Variants in AJUBA observed in about 807,000 individuals in gnomAD.
The protein encoded by AJUBA is ajuba LIM protein, also known as LIM domain-containing protein ajuba.
Under a neutral mutation model 53.3 loss-of-function variants are expected in AJUBA, and 20 were observed. The observed-to-expected ratio is 0.38, with a 90% confidence interval of 0.26 to 0.55. The LOEUF is 0.55. Among genes scored for constraint, AJUBA ranks in the 20% least tolerant of loss-of-function variants. The pLI is 0.80. For synonymous variants in AJUBA, 296 were observed against 306.2 expected, an observed-to-expected ratio of 0.97 and a Z score of 0.35; for missense variants, 580 against 730.5, an observed-to-expected ratio of 0.79 and a Z score of 2.38.
At chr14:22,978,104 G>A (rs1415931935) in intron 2 of AJUBA, among the ~76,000 whole-genome samples, 1 of 151,994 alleles carries the variant, frequency 6.6e-6, no homozygotes, top group Non-Finnish European at 1.5e-5. Context: ...AAACAGAGGT[G>A]AGGAAGGAAG....
chr14:22,976,541 C>G (rs376549211), intron 3 of AJUBA, 23 bp from the exon 4 acceptor site: 1 of 1,613,836 alleles, frequency 6.2e-7, no homozygotes, highest in African/African-American at 1.3e-5. Flanking sequence ...ACAAGACGAA[C>G]GGAGGCTGTT....
At position 22,982,024 on chromosome 14, in the gene AJUBA, CTCAAA is replaced by C. The variant is rs1417560549; in HGVS notation, c.238_242del (p.Phe80GlyfsTer42). 1 of 1,590,760 alleles carries C rather than the reference CTCAAA, an allele frequency of 6.3e-7. No individual in the cohort carries two copies. On this transcript the variant is annotated frameshift_variant, in exon 1 of 8. Transcript: ENST00000262713. LOFTEE classifies it high-confidence loss of function. ...GAAAAGAGCCTTCGTAGCGCGGCGCCTCAAAGGAGCCGCGCTGATTTCGCTCAGCG... is the reference window on the plus strand; with the variant it reads ...GAAAAGAGCCTTCGTAGCGCGGCGCCGGAGCCGCGCTGATTTCGCTCAGCG...
intron 1 of AJUBA, among the ~76,000 whole-genome samples, chr14:22,980,853 T>C (rs1314105909): frequency 6.6e-6 from 1 of 151,864 alleles, no homozygotes; most frequent in African/African-American, 2.4e-5. Context: ...TCCGAATTCC[T>C]GCGGGCGGAG....
At chr14:22,974,625 G>T in intron 6 of AJUBA, 1 of 568,614 alleles carries the variant, frequency 1.8e-6, no homozygotes, top group Non-Finnish European at 3.1e-6. Flanking sequence ...GGATAGAAGA[G>T]ATGGAGCCTG....
In AJUBA at chr14:22,974,098, C is replaced by T; in HGVS notation, c.1440G>A (p.Val480=). The T allele has an allele frequency of 6.2e-7, 1 of 1,614,152 alleles. No homozygotes were observed. The highest frequency in any genetic ancestry group is 8.5e-7 in the Non-Finnish European group (1 of 1,180,024). Reference sequence around the variant, plus strand: ...AATCCCGGTCCATGGATATCACCCTCACGATGTCCTCACAGCCCTGAAACA... The same window carrying T: ...AATCCCGGTCCATGGATATCACCCTTACGATGTCCTCACAGCCCTGAAACA... ...ILPSEGCEDI[V]RVISMDRDYH... The change falls in exon 7 of 8, where the codon GTG becomes GTA. Residue 480 remains valine, a synonymous_variant. Transcript: ENST00000262713.
Position 22,979,092 on chromosome 14 carries a change from C to A in AJUBA, c.1007-647G>T. The A allele has an allele frequency of 7.8e-7, 1 of 1,283,202 alleles. No homozygotes were observed. Among genetic ancestry groups the A allele is most frequent in the Non-Finnish European group, 1.0e-6 (1 of 986,138 alleles). 79.5% of individuals were successfully genotyped at this position (1,283,202 alleles called of 1,614,324 possible). On this transcript the variant is annotated intron_variant, in intron 1 of 7. Transcript: ENST00000262713. This position sits in a 1 kb window ranked among gnomAD's most constrained non-coding sequence, Gnocchi z 4.0. ...GTGTGTTCCAGGAACCAGGGTTGAA[C>A]AGGAAAGCAGGGAGAGTAGCAGAGC...
Position 22,979,175 on chromosome 14 carries a change from C to G in AJUBA, c.1007-730G>C. The G allele has an allele frequency of 1.7e-6, 2 of 1,183,144 alleles. No individual in the cohort carries two copies. The highest frequency in any genetic ancestry group is 2.1e-6 in the Non-Finnish European group (2 of 937,230). 73.3% of individuals were successfully genotyped at this position (1,183,144 alleles called of 1,614,324 possible). A position where few individuals can be genotyped will look rare whatever the true frequency, so the allele number is the denominator to read the frequency against. On this transcript the variant is annotated intron_variant, in intron 1 of 7. Transcript: ENST00000262713. The surrounding 1 kb of genome is among the most constrained non-coding windows in gnomAD (Gnocchi z 4.0). Reference sequence around the variant, plus strand: ...GAAGAATACAGAACTGAACTGCTTGCTATTCCCCAAAATCCCCCACTAAGA... The same window carrying G: ...GAAGAATACAGAACTGAACTGCTTGGTATTCCCCAAAATCCCCCACTAAGA...
Position 22,981,673 on chromosome 14 carries a change from T to G in AJUBA, c.594A>C (p.Gly198=), listed in dbSNP as rs1336314895. Residue 198 remains glycine (G), a synonymous_variant, in exon 1 of 8, where the codon GGA becomes GGC. Transcript: ENST00000262713. ...LAGAPAGYSP[G]GVPSAYPELH... ...GCTCCGGGTAGGCGGACGGGACCCC[T>G]CCGGGAGAATAGCCTGCCGGTGCTC... 8 of 1,516,178 alleles carry G rather than the reference T, an allele frequency of 5.3e-6. No homozygotes were observed. The highest frequency in any genetic ancestry group is 1.7e-4 in the Middle Eastern group (1 of 5,868). The allele number at this position is 1,516,178 out of a possible 1,614,324, so 93.9% of individuals were successfully genotyped here.
At position 22,981,518 on chromosome 14, in the gene AJUBA, C is replaced by T. The variant is rs2045095014; in HGVS notation, c.749G>A (p.Gly250Glu). 1 of 1,591,770 alleles carries T rather than the reference C, an allele frequency of 6.3e-7. No homozygotes were observed. The highest frequency in any genetic ancestry group is 8.5e-7 in the Non-Finnish European group (1 of 1,172,194). Residue 250 changes from glycine to glutamate, a missense_variant, in exon 1 of 8, where the codon GGG becomes GAG. Physicochemically the swap from Gly to Glu is moderately conservative, Grantham distance 98. This residue lies in a region of AJUBA where 430 missense variants were observed against 471.5 expected (regional missense o/e 0.91). Transcript: ENST00000262713. The stretch of plus-strand genomic sequence containing the variant: ...TTGCGCCCCCCGTCTCTCCAAGGGC[C>T]CCGCCGCTCCCACTCCGGCCCCGGC... ...ALAGAGVGAA[G>E]PLERRGAQPG...
At chr14:22,980,618 G>T in intron 1 of AJUBA, 1 of 985,340 alleles carries the variant, frequency 1.0e-6, no homozygotes, top group Non-Finnish European at 1.2e-6. Flanking sequence ...CAACAGGACT[G>T]GGGAGGGACA....
chr14:22,977,233 G>C, intron 2 of AJUBA: 11 of 986,080 alleles, frequency 1.1e-5, no homozygotes, highest in Non-Finnish European at 1.3e-5. Context: ...ACTGCAGAAG[G>C]ACAAAGTGCT....
rs751788606 is a variant in AJUBA at position 22,981,405 on chromosome 14, C to T, written c.862G>A (p.Val288Met). 6.2e-6 allele frequency: 10 copies of T among 1,612,680 alleles called. No homozygotes were observed. In the South Asian group the frequency reaches 9.9e-5, roughly 16 times the overall value. ...CCGGCTTCTCGCCCACCGGTGCCCACCGTCAGGCGAAGCAAAGCTGTTAGC... is the reference window on the plus strand; with the variant it reads ...CCGGCTTCTCGCCCACCGGTGCCCATCGTCAGGCGAAGCAAAGCTGTTAGC... ...DELTALLRLT[V>M]GTGGREAGAR... The change falls in exon 1 of 8, where the codon GTG becomes ATG. Residue 288 changes from valine to methionine, a missense_variant. Coordinates refer to ENST00000262713, the MANE Select transcript of AJUBA (RefSeq NM_032876.6).
At chr14:22,980,705 T>C (rs909744141) in intron 1 of AJUBA, 1 of 983,862 alleles carries the variant, frequency 1.0e-6, no homozygotes, top group Non-Finnish European at 1.2e-6. Flanking sequence ...CCGCGTATGC[T>C]AGGGAGCGTC....
rs1235947266 is a variant in AJUBA, at chr14:22,975,079, T to C, written c.1265A>G (p.Tyr422Cys). The change falls in exon 5 of 8, where the codon TAT (tyrosine) becomes TGT (cysteine). Residue 422 changes from tyrosine to cysteine, a missense_variant. Physicochemically the swap from Tyr to Cys is radical, Grantham distance 194. This residue lies in a region of AJUBA where 150 missense variants were observed against 259.0 expected (regional missense o/e 0.58). Coordinates refer to ENST00000262713, the MANE Select transcript of AJUBA (RefSeq NM_032876.6). ...EKILQAMGKS[Y>C]HPGCFRCIVC... ...AATGCATCGGAAACAGCCTGGATGA[T>C]AGGACTTCCCCATTGCTTGTAGGAT... 1 of 1,613,574 alleles carries C rather than the reference T, an allele frequency of 6.2e-7. No homozygotes were observed. The highest frequency in any genetic ancestry group is 1.3e-5 in the African/African-American group (1 of 75,040).
Position 22,981,640 on chromosome 14 carries a change from G to A in AJUBA, c.627C>T (p.Ala209=). 1.3e-6 allele frequency: 2 copies of A among 1,517,784 alleles called. No individual in the cohort carries two copies. Among genetic ancestry groups the A allele is most frequent in the East Asian group, 2.4e-5 (1 of 41,256 alleles). 94.0% of individuals were successfully genotyped at this position (1,517,784 alleles called of 1,614,324 possible). The change falls in exon 1 of 8, where the codon GCC becomes GCT. Residue 209 remains alanine (A), a synonymous_variant. Coordinates refer to ENST00000262713, the MANE Select transcript of AJUBA (RefSeq NM_032876.6). ...GVPSAYPELH[A]ALDRLYAQRP... is the part of the protein sequence containing the mutation. Reference sequence around the variant, plus strand: ...GCTGAGCGTACAATCGGTCCAGGGCGGCGTGGAGCTCCGGGTAGGCGGACG... The same window carrying A: ...GCTGAGCGTACAATCGGTCCAGGGCAGCGTGGAGCTCCGGGTAGGCGGACG...
At chr14:22,974,200 A>C in intron 6 of AJUBA, 85 bp from the exon 7 acceptor site, 11 of 1,364,346 alleles carry the variant, frequency 8.1e-6, no homozygotes, top group Non-Finnish European at 1.2e-5. Flanking sequence ...TTCCCACCCC[A>C]TGGGAAGATC....
intron 1 of AJUBA, 81 bp downstream of exon 1, chr14:22,981,180 G>A: frequency 6.7e-7 from 1 of 1,490,254 alleles, no homozygotes; most frequent in Non-Finnish European, 9.0e-7. Flanking sequence ...CCGGGGCACC[G>A]GCACTTTGGG....
At chr14:22,973,646 A>C (rs2045006261) in intron 7 of AJUBA, 78 bp from the exon 8 acceptor site, 8 of 1,562,724 alleles carry the variant, frequency 5.1e-6, no homozygotes, top group Middle Eastern at 1.8e-4. Flanking sequence ...TGCCCTGCTC[A>C]ACACCTGACT....
chr14:22,974,728 G>T lies in AJUBA; in HGVS notation c.1422+111C>A, dbSNP rs535973946. The T allele has an allele frequency of 1.2e-4, 154 of 1,262,114 alleles. No individual in the cohort carries two copies. In the African/African-American group the frequency reaches 2.2e-3, roughly 18 times the overall value. The allele number at this position is 1,262,114 out of a possible 1,614,324, so 78.2% of individuals were successfully genotyped here. A position where few individuals can be genotyped will look rare whatever the true frequency, so the allele number is the denominator to read the frequency against. ...AGAGTCACACGGGAATCTTCACAGA[G>T]TACATTCCTTGGCACTACCACTTCT... On this transcript the variant is annotated intron_variant, in intron 6 of 7. Coordinates refer to ENST00000262713, the MANE Select transcript of AJUBA (RefSeq NM_032876.6).
Sources: allele counts gnomAD v4.1 joint callset (sites outside exome capture counted in the v4.1 genomes callset), GRCh38; gene constraint gnomAD v4.1.1; regional missense constraint gnomAD v4.1.1; non-coding constraint Gnocchi (gnomAD v3.1); transcripts MANE v1.5; gene names NCBI Gene and HGNC (gene_info 2026-07-23, HGNC 2026-07-21).